Variants in VPS13A observed in about 807,000 individuals in gnomAD.
The protein encoded by VPS13A is vacuolar protein sorting 13 homolog A.
A neutral mutation model predicts 390.9 loss-of-function variants in VPS13A; 264 were observed. The observed-to-expected ratio is 0.68, with a 90% CI of 0.61 to 0.75. The LOEUF (loss-of-function observed/expected upper bound fraction) is 0.75, where lower values mean the gene tolerates loss of function less well. Among genes scored for constraint, VPS13A ranks in the 30% least tolerant of loss-of-function variants. The pLI is 0.00. For missense variants in VPS13A, 3,409 were observed against 3,733.9 expected, an observed-to-expected ratio of 0.91 and a Z score of 2.27; for synonymous variants, 1,231 against 1,227.1, an observed-to-expected ratio of 1.00 and a Z score of -0.07.
At chr9:77,248,581 G>A (rs887944648) in intron 20 of VPS13A, among the ~76,000 whole-genome samples, 4 of 151,382 alleles carry the variant, frequency 2.6e-5, no homozygotes, top group African/African-American at 4.9e-5. Context: ...TTTTTTTGGC[G>A]GTATTCTAGA....
At position 77,385,097 on chromosome 9, in the gene VPS13A, G is replaced by A. The variant is rs547099674; in HGVS notation, c.9189+3010G>A. ...ATGCCACTGTGTAAAAAAAAAGGAA[G>A]AAAATAGTAATAGCCATTTAATGTT... On this transcript the variant is annotated intron_variant, in intron 68 of 71. Transcript: ENST00000360280. 952 of 988,976 alleles carry A rather than the reference G, an allele frequency of 9.6e-4. 3 individuals carry two copies. Among genetic ancestry groups the A allele is most frequent in the Non-Finnish European group, 1.1e-3 (926 of 830,346 alleles). 61.3% of individuals were successfully genotyped at this position (988,976 alleles called of 1,614,324 possible).
At chr9:77,412,625 A>G (rs550568185) in intron 71 of VPS13A, among the ~76,000 whole-genome samples, 55 of 152,284 alleles carry the variant, frequency 3.6e-4, no homozygotes, top group African/African-American at 1.3e-3. Flanking sequence ...ATCTATGACA[A>G]ACCCACAGCC....
Position 77,247,334 on chromosome 9 carries a change from C to G in VPS13A, c.1976C>G (p.Pro659Arg). Residue 659 changes from proline (P) to arginine (R), a missense_variant, in exon 20 of 72, where the codon CCA (proline) becomes CGA (arginine). This residue lies in a region of VPS13A where 2,717 missense variants were observed against 2,917.4 expected (regional missense o/e 0.93). Coordinates refer to ENST00000360280, the MANE Select transcript of VPS13A (RefSeq NM_033305.3). ...INLKASYIIV[P>R]QDGIFSPTSN... ...TTGAAGGCTTCATATATTATTGTCC[C>G]ACAAGATGGAATTTTTAGTCCTACA... 1 of 1,612,374 alleles carries G rather than the reference C, an allele frequency of 6.2e-7. No homozygotes were observed. The highest frequency in any genetic ancestry group is 8.5e-7 in the Non-Finnish European group (1 of 1,179,204).
chr9:77,232,735 A>C (rs7024045), intron 17 of VPS13A, among the ~76,000 whole-genome samples: 2 of 151,846 alleles, frequency 1.3e-5, no homozygotes, highest in East Asian at 1.9e-4. Flanking sequence ...ATCAGACCTC[A>C]TGAGACTTAT....
intron 68 of VPS13A, chr9:77,385,316 C>T (rs1031848588): frequency 9.9e-6 from 4 of 405,582 alleles, no homozygotes; most frequent in African/African-American, 2.2e-5. Flanking sequence ...TGAAAAAGAC[C>T]GTTCTTTTAT....
rs546646211 is a variant in VPS13A at position 77,407,862 on chromosome 9, A to C, written c.9474+255A>C. On this transcript the variant is annotated intron_variant, in intron 71 of 71. Transcript: ENST00000360280. ...CCATCTTATTTTAAATGCTAACTCT[A>C]ATTAATTTTTTTTAATAAAAAAGTC... Among the ~76,000 whole-genome samples the C allele has an allele frequency of 3.3e-5, 5 of 150,026 alleles. No individual in the cohort carries two copies. The South Asian group carries it at 1.0e-3, about 31-fold the overall frequency.
chr9:77,228,051 T>C (rs1564646666), intron 16 of VPS13A, 71 bp from the exon 17 acceptor site: 4 of 1,147,700 alleles, frequency 3.5e-6, no homozygotes, highest in Non-Finnish European at 4.7e-6. Flanking sequence ...GAAATGAATG[T>C]ACTATAAGAA....
At chr9:77,229,693 CCTT>C (rs1339605669) in intron 17 of VPS13A, among the ~76,000 whole-genome samples, 1 of 152,014 alleles carries the variant, frequency 6.6e-6, no homozygotes, top group Admixed American at 6.6e-5. Flanking sequence ...TTAGGTTGTT[CCTT>C]CTTTTTGGCT....
At chr9:77,268,010 G>A (rs1021666668) in intron 23 of VPS13A, among the ~76,000 whole-genome samples, 4 of 152,128 alleles carry the variant, frequency 2.6e-5, no homozygotes, top group Non-Finnish European at 5.9e-5. Context: ...GGTGATTCCC[G>A]CTCCCCCCAC....
intron 3 of VPS13A, among the ~76,000 whole-genome samples, chr9:77,202,224 A>G (rs969007788): frequency 6.6e-6 from 1 of 152,126 alleles, no homozygotes; most frequent in Non-Finnish European, 1.5e-5. Context: ...TTTCATCATC[A>G]TATGTTACTG....
chr9:77,231,945 T>G (rs1374387151), intron 17 of VPS13A, among the ~76,000 whole-genome samples: 1 of 152,218 alleles, frequency 6.6e-6, no homozygotes, highest in Non-Finnish European at 1.5e-5. Flanking sequence ...AAGGAATTGG[T>G]ACAGCTCATT....
chr9:77,290,694 T>G (rs565155380), intron 31 of VPS13A, among the ~76,000 whole-genome samples: 1 of 152,196 alleles, frequency 6.6e-6, no homozygotes, highest in Non-Finnish European at 1.5e-5. Context: ...TCTACTGATT[T>G]TGTCCTTGGC....
intron 50 of VPS13A, among the ~76,000 whole-genome samples, chr9:77,341,899 T>C (rs1830848244): frequency 6.6e-6 from 1 of 152,044 alleles, no homozygotes; most frequent in Admixed American, 6.6e-5. Flanking sequence ...AGCCCATCTT[T>C]ATGTAGTTTA....
At chr9:77,292,963 TAC>T (rs919331038) in intron 31 of VPS13A, among the ~76,000 whole-genome samples, 4 of 152,132 alleles carry the variant, frequency 2.6e-5, no homozygotes, top group Middle Eastern at 3.2e-3. Flanking sequence ...GGTGTAGATA[TAC>T]AGTGTTTTTC....
intron 68 of VPS13A, among the ~76,000 whole-genome samples, chr9:77,383,389 C>T (rs1172587653): frequency 6.6e-6 from 1 of 152,054 alleles, no homozygotes; most frequent in Admixed American, 6.5e-5. Flanking sequence ...GACAGTGTAT[C>T]GTTCTTTGGA....
chr9:77,315,757 A>C (rs1484214808), intron 38 of VPS13A, among the ~76,000 whole-genome samples: 1 of 152,122 alleles, frequency 6.6e-6, no homozygotes, highest in African/African-American at 2.4e-5. Flanking sequence ...GTGGAAAAAA[A>C]CAAGCAGAGC....
At chr9:77,410,301 G>A (rs928699457) in intron 71 of VPS13A, among the ~76,000 whole-genome samples, 15 of 152,114 alleles carry the variant, frequency 9.9e-5, no homozygotes, top group African/African-American at 2.7e-4. Flanking sequence ...GGAAGCACTA[G>A]ACATGGAAAG....
At chr9:77,300,212 T>G (rs1828263910) in intron 33 of VPS13A, among the ~76,000 whole-genome samples, 1 of 152,208 alleles carries the variant, frequency 6.6e-6, no homozygotes, top group African/African-American at 2.4e-5. Flanking sequence ...TTAGAAAATC[T>G]AAATCTGCCT....
intron 22 of VPS13A, among the ~76,000 whole-genome samples, chr9:77,257,206 A>G (rs1825497078): frequency 6.6e-6 from 1 of 152,000 alleles, no homozygotes; most frequent in African/African-American, 2.4e-5. Context: ...TGTGTATAAT[A>G]TCCTCAAGTT....
Sources: allele counts gnomAD v4.1 joint callset (sites outside exome capture counted in the v4.1 genomes callset), GRCh38; gene constraint gnomAD v4.1.1; regional missense constraint gnomAD v4.1.1; transcripts MANE v1.5; gene names NCBI Gene and HGNC (gene_info 2026-07-23, HGNC 2026-07-21).